The following NETO1 variants were observed in gnomAD, a reference collection of about 807,000 sequenced individuals.
NETO1 encodes neuropilin and tolloid like 1.
NETO1 carries 26 observed loss-of-function variants against 61.3 expected under a neutral mutation model. That is an observed-to-expected ratio of 0.42 (90% confidence interval 0.31 to 0.59). The LOEUF is 0.59. NETO1 is among the 20% of genes least tolerant of loss of function. NETO1 has a pLI of 0.12. For synonymous variants in NETO1, 225 were observed against 225.8 expected, an observed-to-expected ratio of 1.00 and a Z score of 0.03; for missense variants, 531 against 662.8, an observed-to-expected ratio of 0.80 and a Z score of 2.18.
chr18:72,831,650 T>A (rs2073582205), intron 4 of NETO1, among the ~76,000 whole-genome samples: 1 of 152,240 alleles, frequency 6.6e-6, no homozygotes, highest in Non-Finnish European at 1.5e-5. Flanking sequence ...TGTGATAATT[T>A]TCGTATCTAA....
intron 4 of NETO1, among the ~76,000 whole-genome samples, chr18:72,820,024 C>T (rs2073142334): frequency 6.6e-6 from 1 of 152,010 alleles, no homozygotes; most frequent in Non-Finnish European, 1.5e-5. Flanking sequence ...CATCTGGCAC[C>T]AGAAAGATAA....
intron 4 of NETO1, among the ~76,000 whole-genome samples, chr18:72,823,191 C>T (rs1441481041): frequency 6.6e-6 from 1 of 152,064 alleles, no homozygotes; most frequent in Non-Finnish European, 1.5e-5. Flanking sequence ...ATGCTAGATA[C>T]TGAGGATGCA....
chr18:72,794,874 C>T (rs2072259317), intron 4 of NETO1, among the ~76,000 whole-genome samples: 1 of 152,276 alleles, frequency 6.6e-6, no homozygotes, highest in Middle Eastern at 3.4e-3. Context: ...TGTAGTAACA[C>T]AGTTTTTAAC....
At chr18:72,807,049 A>G (rs1374820958) in intron 4 of NETO1, among the ~76,000 whole-genome samples, 1 of 152,234 alleles carries the variant, frequency 6.6e-6, no homozygotes, top group Non-Finnish European at 1.5e-5. Flanking sequence ...AAATCTTAAC[A>G]GCAGAGTAAA....
chr18:72,796,349 G>GA (rs2072310662), intron 4 of NETO1, among the ~76,000 whole-genome samples: 1 of 152,208 alleles, frequency 6.6e-6, no homozygotes, highest in African/African-American at 2.4e-5. Flanking sequence ...TGTTGAAACT[G>GA]AGAGGCTTGG....
At chr18:72,835,891 A>T in intron 4 of NETO1, among the ~76,000 whole-genome samples, 1 of 152,198 alleles carries the variant, frequency 6.6e-6, no homozygotes, top group Non-Finnish European at 1.5e-5. Flanking sequence ...TGAGAGGAAA[A>T]CAAATAAATA....
chr18:72,798,135 G>T (rs1197750525), intron 4 of NETO1, among the ~76,000 whole-genome samples: 1 of 152,228 alleles, frequency 6.6e-6, no homozygotes, highest in Non-Finnish European at 1.5e-5. Flanking sequence ...CACAGCAGGA[G>T]ATGAGCAGAG....
At chr18:72,807,686 A>G (rs2145178725) in intron 4 of NETO1, among the ~76,000 whole-genome samples, 1 of 151,096 alleles carries the variant, frequency 6.6e-6, no homozygotes, top group South Asian at 2.1e-4. Flanking sequence ...ACGATCAAAA[A>G]TGGGCAGAAA....
intron 4 of NETO1, among the ~76,000 whole-genome samples, chr18:72,813,190 G>C (rs2072924770): frequency 6.6e-6 from 1 of 152,118 alleles, no homozygotes; most frequent in Non-Finnish European, 1.5e-5. Flanking sequence ...ATGTGCGAGA[G>C]AATTTTCAGT....
At chr18:72,795,257 G>T (rs2072271451) in intron 4 of NETO1, among the ~76,000 whole-genome samples, 1 of 152,192 alleles carries the variant, frequency 6.6e-6, no homozygotes, top group African/African-American at 2.4e-5. Context: ...GAGCTTCTGA[G>T]AAAGTTTTCC....
At chr18:72,804,335 T>C (rs542219300) in intron 4 of NETO1, among the ~76,000 whole-genome samples, 1 of 152,304 alleles carries the variant, frequency 6.6e-6, no homozygotes, top group African/African-American at 2.4e-5. Context: ...TACAATTTAA[T>C]AGCTCAGGCT....
intron 4 of NETO1, among the ~76,000 whole-genome samples, chr18:72,837,368 G>GA (rs902187296): frequency 1.3e-5 from 2 of 152,078 alleles, no homozygotes; most frequent in Non-Finnish European, 2.9e-5. Flanking sequence ...CTGGATATAA[G>GA]AAAAAGTAAT....
In NETO1 at chr18:72,867,399, G is replaced by A. The variant is rs563378516; in HGVS notation, c.-108C>T. ...GGTCGAGAGGTGTTAAAGACGCAAA[G>A]CAAGAAGGAAATAAAGGGGGGCCGA... On this transcript the variant is annotated 5_prime_UTR_variant, in exon 1 of 11. Coordinates refer to ENST00000327305, the MANE Select transcript of NETO1 (RefSeq NM_138966.5). The A allele has an allele frequency of 6.1e-5, 49 of 800,690 alleles. No homozygotes were observed. Among genetic ancestry groups the A allele is most frequent in the Middle Eastern group, 2.4e-4 (1 of 4,136 alleles). The allele number at this position is 800,690 out of a possible 1,614,324, so 49.6% of individuals were successfully genotyped here. A position where few individuals can be genotyped will look rare whatever the true frequency, so the allele number is the denominator to read the frequency against.
chr18:72,852,376 G>A (rs561220004), intron 4 of NETO1, among the ~76,000 whole-genome samples: 1 of 152,002 alleles, frequency 6.6e-6, no homozygotes, highest in Admixed American at 6.6e-5. Flanking sequence ...CACCACGACC[G>A]GCTAATTTTT....
chr18:72,837,671 G>A (rs1475103237), intron 4 of NETO1, among the ~76,000 whole-genome samples: 3 of 152,082 alleles, frequency 2.0e-5, no homozygotes, highest in Non-Finnish European at 4.4e-5. Context: ...TATCTCTATG[G>A]TATTCAAAGA....
chr18:72,777,271 A>G (rs1057357007), intron 7 of NETO1, among the ~76,000 whole-genome samples: 2 of 152,088 alleles, frequency 1.3e-5, no homozygotes, highest in Non-Finnish European at 2.9e-5. Context: ...CAAAAAAATT[A>G]GCCTGGTGTA....
At chr18:72,831,341 G>A (rs1219446249) in intron 4 of NETO1, among the ~76,000 whole-genome samples, 1 of 152,186 alleles carries the variant, frequency 6.6e-6, no homozygotes, top group Non-Finnish European at 1.5e-5. Flanking sequence ...TAGAATTACA[G>A]TCTGGTGTGT....
intron 4 of NETO1, among the ~76,000 whole-genome samples, chr18:72,827,716 C>CAAAAAAAA (rs535573315): frequency 1.0e-5 from 1 of 100,388 alleles, no homozygotes; most frequent in Non-Finnish European, 2.0e-5. Flanking sequence ...GACCCTGTCT[C>CAAAAAAAA]AAAAAAAAAA....
intron 4 of NETO1, among the ~76,000 whole-genome samples, chr18:72,807,977 T>A (rs1193349375): frequency 6.6e-6 from 1 of 151,814 alleles, no homozygotes; most frequent in Admixed American, 6.6e-5. Context: ...CATGAGCCCA[T>A]CTCCTGAGCC....
Sources: gnomAD v4.1 joint callset for allele counts (sites outside exome capture counted in the v4.1 genomes callset) on GRCh38, gnomAD v4.1.1 for gene constraint, MANE v1.5 for transcripts, NCBI Gene and HGNC (gene_info 2026-07-23, HGNC 2026-07-21) for gene names.